The following SLC26A5 variants were observed in gnomAD, a reference collection of about 807,000 sequenced individuals.
SLC26A5 encodes solute carrier family 26 member 5, also known as prestin.
In SLC26A5, 51 loss-of-function variants were observed where a neutral mutation model predicts 81.0. The observed-to-expected ratio is 0.63, with a 90% confidence interval of 0.50 to 0.80. The LOEUF (loss-of-function observed/expected upper bound fraction) is 0.80. Among genes scored for constraint, SLC26A5 ranks in the 30% least tolerant of loss-of-function variants. SLC26A5 has a pLI of 0.00. For synonymous variants in SLC26A5, 325 were observed against 332.8 expected (o/e 0.98, Z 0.25); for missense variants, 771 against 905.8 (o/e 0.85, Z 1.91).
chr7:103,354,016 T>A (rs1271452482), intron 19 of SLC26A5: 4 of 1,337,038 alleles, frequency 3.0e-6, no homozygotes, highest in Non-Finnish European at 4.1e-6. Flanking sequence ...AAAAACTGTT[T>A]TGGTATTGTC....
Position 103,407,876 on chromosome 7 carries a change from G to A in SLC26A5, c.863C>T (p.Ala288Val), listed in dbSNP as rs776398574. Reference protein sequence around the residue: ...FNERFKEKLPAPIPLEFFAVV... With the variant: ...FNERFKEKLPVPIPLEFFAVV... Reference sequence around the variant, plus strand: ...CGCAAAGAACTCTAAAGGAATAGGCGCCGGCAATTTCTCTTTAAATCTCTC... The same window carrying A: ...CGCAAAGAACTCTAAAGGAATAGGCACCGGCAATTTCTCTTTAAATCTCTC... Residue 288 changes from alanine to valine, a missense_variant, in exon 8 of 20, where the codon GCG becomes GTG. By Grantham distance (64) the Ala-to-Val change is moderately conservative (BLOSUM62 0). Transcript: ENST00000306312. The A allele has an allele frequency of 6.2e-6, 10 of 1,614,086 alleles. No individual in the cohort carries two copies. Among genetic ancestry groups the A allele is most frequent in the South Asian group, 3.3e-5 (3 of 91,082 alleles).
chr7:103,358,748 ACATTTTTC>A (rs1404020742), intron 19 of SLC26A5, among the ~76,000 whole-genome samples: 2 of 152,110 alleles, frequency 1.3e-5, no homozygotes, highest in African/African-American at 4.8e-5. Context: ...AAATCTAGGT[ACATTTTTC>A]TAGGCCGTAT....
At position 103,389,447 on chromosome 7, in the gene SLC26A5, T is replaced by C. The variant is rs1586245864; in HGVS notation, c.1312-23A>G. Reference sequence around the variant, plus strand: ...AGCCTGAAACAGAGCACATCCCCCATGCCTCTCCTCTTGTGTCCACAGAGT... The same window carrying C: ...AGCCTGAAACAGAGCACATCCCCCACGCCTCTCCTCTTGTGTCCACAGAGT... On this transcript the variant is annotated intron_variant, in intron 12 of 19. Coordinates refer to ENST00000306312, the MANE Select transcript of SLC26A5 (RefSeq NM_198999.3). 2.6e-6 allele frequency: 4 copies of C among 1,559,248 alleles called. No homozygotes were observed. In the East Asian group the frequency reaches 9.0e-5, roughly 35 times the overall value.
intron 2 of SLC26A5, among the ~76,000 whole-genome samples, chr7:103,424,304 T>G (rs1333073993): frequency 6.6e-6 from 1 of 152,144 alleles, no homozygotes; most frequent in Non-Finnish European, 1.5e-5. Flanking sequence ...TGGTATACGC[T>G]TCCATTCTTC....
intron 19 of SLC26A5, chr7:103,362,668 T>C (rs1162549785): frequency 6.3e-7 from 1 of 1,583,548 alleles, no homozygotes; most frequent in East Asian, 2.2e-5. Flanking sequence ...TTAATGACTA[T>C]CTTTTTTACT....
intron 15 of SLC26A5, 85 bp downstream of exon 15, chr7:103,380,395 C>T: frequency 2.6e-6 from 3 of 1,135,476 alleles, no homozygotes; most frequent in African/African-American, 1.5e-5. Context: ...CATCTTACCC[C>T]TACTTTTTAT....
At chr7:103,383,829 TAC>T (rs898383291) in intron 14 of SLC26A5, among the ~76,000 whole-genome samples, 3 of 152,078 alleles carry the variant, frequency 2.0e-5, no homozygotes, top group African/African-American at 7.2e-5. Context: ...GGTGCACCAC[TAC>T]ACCTTGCCAA....
At chr7:103,356,847 C>G (rs746189221) in intron 19 of SLC26A5, among the ~76,000 whole-genome samples, 29 of 152,136 alleles carry the variant, frequency 1.9e-4, no homozygotes, top group Non-Finnish European at 3.8e-4. Flanking sequence ...TAGCCCAATT[C>G]AAGGCTATAA....
intron 19 of SLC26A5, chr7:103,362,542 C>T (rs1268384319): frequency 2.1e-6 from 3 of 1,403,524 alleles, no homozygotes; most frequent in Non-Finnish European, 2.8e-6. Context: ...AGATTTCATG[C>T]TCTCTTTATT....
intron 10 of SLC26A5, among the ~76,000 whole-genome samples, chr7:103,392,585 A>AT (rs1178946602): frequency 2.0e-5 from 3 of 151,946 alleles, no homozygotes; most frequent in Admixed American, 6.6e-5. Flanking sequence ...TTATTTATTT[A>AT]TTTTTTTTCT....
intron 2 of SLC26A5, among the ~76,000 whole-genome samples, chr7:103,440,213 AAAT>A (rs1201420146): frequency 4.6e-5 from 7 of 152,238 alleles, no homozygotes; most frequent in Non-Finnish European, 8.8e-5. Context: ...GAAAGGAAGG[AAAT>A]AATAAAGCAA....
chr7:103,386,668 T>C (rs1306541727), intron 14 of SLC26A5, among the ~76,000 whole-genome samples: 1 of 152,026 alleles, frequency 6.6e-6, no homozygotes, highest in African/African-American at 2.4e-5. Flanking sequence ...TAAGATACCA[T>C]AAAATCCTAT....
intron 4 of SLC26A5, among the ~76,000 whole-genome samples, chr7:103,417,273 G>C (rs1230943467): frequency 2.0e-5 from 3 of 151,596 alleles, no homozygotes; most frequent in African/African-American, 7.3e-5. Context: ...AGGAGGCTGA[G>C]GCAGGAGAAT....
rs755155903 is a variant in SLC26A5 at position 103,389,314 on chromosome 7, A to T, written c.1407+15T>A. The T allele has an allele frequency of 1.5e-5, 23 of 1,558,698 alleles. No homozygotes were observed. In the South Asian group the frequency reaches 2.4e-4, roughly 17 times the overall value. On this transcript the variant is annotated intron_variant, in intron 13 of 19. Coordinates refer to ENST00000306312, the MANE Select transcript of SLC26A5 (RefSeq NM_198999.3). ...TCTATGACATATTAACAGAGCCATC[A>T]CCTTTGTTACTTACCAGCTCTATTT...
chr7:103,394,977 C>T (rs1179392613), intron 9 of SLC26A5, among the ~76,000 whole-genome samples: 1 of 152,194 alleles, frequency 6.6e-6, no homozygotes, highest in East Asian at 1.9e-4. Flanking sequence ...GCCTGCTAGC[C>T]CTCACCTGTT....
chr7:103,413,196 C>A, intron 4 of SLC26A5, 84 bp from the exon 5 acceptor site: 1 of 915,748 alleles, frequency 1.1e-6, no homozygotes, highest in Non-Finnish European at 1.8e-6. Flanking sequence ...TTCTTTATTT[C>A]TGATGAACGA....
chr7:103,419,988 A>C (rs1825214439), intron 4 of SLC26A5, among the ~76,000 whole-genome samples: 2 of 152,194 alleles, frequency 1.3e-5, no homozygotes, highest in African/African-American at 4.8e-5. Context: ...AGTGAGCCAG[A>C]TAGGTGCCTA....
chr7:103,387,331 C>A (rs1822275315), intron 14 of SLC26A5, among the ~76,000 whole-genome samples: 1 of 152,210 alleles, frequency 6.6e-6, no homozygotes, highest in Non-Finnish European at 1.5e-5. Flanking sequence ...TGACCTCCTG[C>A]AGATAAGGGG....
At chr7:103,412,946 T>C in intron 5 of SLC26A5, 56 bp downstream of exon 5, 2 of 1,269,990 alleles carry the variant, frequency 1.6e-6, no homozygotes, top group Non-Finnish European at 2.3e-6. Flanking sequence ...TTTGGCACAT[T>C]GCAAGGTTGG....
Sources: gnomAD v4.1 joint callset for allele counts (sites outside exome capture counted in the v4.1 genomes callset) on GRCh38, gnomAD v4.1.1 for gene constraint, MANE v1.5 for transcripts, NCBI Gene and HGNC (gene_info 2026-07-23, HGNC 2026-07-21) for gene names.